Variants in NAA11 observed in about 807,000 individuals in gnomAD.
The protein encoded by NAA11 is N-alpha-acetyltransferase 11.
In NAA11, 15 loss-of-function variants were observed where a neutral mutation model predicts 16.1. The observed-to-expected ratio is 0.93, with a 90% CI of 0.62 to 1.44. The LOEUF is 1.44. Ranked by LOEUF, NAA11 falls within the 40% of genes most tolerant of loss-of-function variation. The probability of loss-of-function intolerance (pLI) is 0.00; values close to 1 mark genes in which losing one functional copy is unlikely to be tolerated. For missense variants in NAA11, 298 were observed against 291.3 expected, an observed-to-expected ratio of 1.02 and a Z score of -0.17; for synonymous variants, 122 against 112.4, an observed-to-expected ratio of 1.09 and a Z score of -0.54.
At chr4:79,168,837 T>A in the NAA11 span, among the ~76,000 whole-genome samples, 4 of 152,186 alleles carry the variant, frequency 2.6e-5, no homozygotes, top group Non-Finnish European at 5.9e-5. Context: ...TTCACTCTGA[T>A]GATAGTTTCT....
intron 2 of NAA11, among the ~76,000 whole-genome samples, chr4:79,270,037 G>T (rs1722455932): frequency 6.6e-6 from 1 of 151,030 alleles, no homozygotes. Context: ...TATTTCTGAG[G>T]GCTCTGTTCT....
intron 2 of NAA11, among the ~76,000 whole-genome samples, chr4:79,259,329 T>G (rs1301323032): frequency 6.6e-6 from 1 of 152,162 alleles, no homozygotes; most frequent in African/African-American, 2.4e-5. Flanking sequence ...CGTCACCACA[T>G]TCCCTGGTGG....
intron 2 of NAA11, among the ~76,000 whole-genome samples, chr4:79,264,773 T>A (rs570078257): frequency 6.6e-6 from 1 of 152,332 alleles, no homozygotes; most frequent in South Asian, 2.1e-4. Context: ...TTTCTCTAAA[T>A]GCATCGGGTC....
chr4:79,170,010 C>T, the NAA11 span, among the ~76,000 whole-genome samples: 23 of 152,300 alleles, frequency 1.5e-4, no homozygotes, highest in African/African-American at 5.5e-4. Flanking sequence ...TGGATTATAG[C>T]CACGCCCACA....
Position 79,268,064 on chromosome 4 carries a change from G to A in NAA11, c.*122+25941C>T, listed in dbSNP as rs528623792. Among the ~76,000 whole-genome samples, 4 of 152,072 alleles carry A rather than the reference G, an allele frequency of 2.6e-5. No individual in the cohort carries two copies. The East Asian group carries it at 7.7e-4, about 29-fold the overall frequency. On this transcript the variant is annotated intron_variant and NMD_transcript_variant, in intron 2 of 2. Coordinates refer to the NAA11 transcript ENST00000511542. ...TTTATTAAGAATATACTTATCTTCTGGTATTTTAATATGGACAATGGAAAA... is the reference window on the plus strand; with the variant it reads ...TTTATTAAGAATATACTTATCTTCTAGTATTTTAATATGGACAATGGAAAA...
chr4:79,301,693 A>G (rs1723389123), intron 1 of NAA11, among the ~76,000 whole-genome samples: 1 of 152,218 alleles, frequency 6.6e-6, no homozygotes, highest in Non-Finnish European at 1.5e-5. Context: ...GAGCTCCAGC[A>G]TGGGGACCAG....
chr4:79,192,950 G>T, the NAA11 span, among the ~76,000 whole-genome samples: 17 of 152,136 alleles, frequency 1.1e-4, no homozygotes, highest in African/African-American at 3.4e-4. Flanking sequence ...TCTCATTGTG[G>T]TTTTGATTTG....
At chr4:79,246,377 T>TAAAAAAAAA (rs869224539) in intron 2 of NAA11, among the ~76,000 whole-genome samples, 41 of 22,382 alleles carry the variant, frequency 1.8e-3, no homozygotes, top group African/African-American at 4.4e-3. Context: ...CAATAAATAC[T>TAAAAAAAAA]AAAAAAAAAA....
At chr4:79,216,513 A>G in the NAA11 span, among the ~76,000 whole-genome samples, 22 of 152,240 alleles carry the variant, frequency 1.4e-4, no homozygotes, top group African/African-American at 5.1e-4. Context: ...AAATTCATCA[A>G]ATGACTGAAA....
At chr4:79,249,430 C>A (rs1357216784) in intron 2 of NAA11, among the ~76,000 whole-genome samples, 1 of 152,208 alleles carries the variant, frequency 6.6e-6, no homozygotes. Context: ...CCAAACTCAT[C>A]TGATAGATTT....
downstream of NAA11, among the ~76,000 whole-genome samples, chr4:79,313,071 T>G (rs1723826098): frequency 6.6e-6 from 1 of 152,214 alleles, no homozygotes; most frequent in African/African-American, 2.4e-5. Context: ...ATGCATATAT[T>G]TGTCATTGCT....
chr4:79,239,129 T>C (rs1027276332), intron 2 of NAA11, among the ~76,000 whole-genome samples: 1 of 152,206 alleles, frequency 6.6e-6, no homozygotes, highest in East Asian at 1.9e-4. Context: ...ATTGAGCGAG[T>C]TGGCAAGGCT....
At chr4:79,200,895 A>G in the NAA11 span, among the ~76,000 whole-genome samples, 3 of 151,662 alleles carry the variant, frequency 2.0e-5, no homozygotes, top group African/African-American at 7.3e-5. Context: ...AGAGAAGTCA[A>G]ATAAAAGTCC....
At chr4:79,242,062 A>C (rs1161305675) in intron 2 of NAA11, among the ~76,000 whole-genome samples, 4 of 152,122 alleles carry the variant, frequency 2.6e-5, no homozygotes, top group African/African-American at 7.2e-5. Flanking sequence ...CTTGCTCCTC[A>C]TGCTTGTTTG....
downstream of NAA11, among the ~76,000 whole-genome samples, chr4:79,312,684 T>C (rs1335694204): frequency 6.8e-6 from 1 of 147,596 alleles, no homozygotes; most frequent in African/African-American, 2.5e-5. Context: ...AGTTGGGGTC[T>C]TGCTTAGGCT....
intron 2 of NAA11, among the ~76,000 whole-genome samples, chr4:79,291,908 T>A (rs1723096274): frequency 6.6e-6 from 1 of 152,192 alleles, no homozygotes. Context: ...TGTGGGTAGA[T>A]AAGCATAAAT....
At chr4:79,322,462 G>A (rs1425640974) in intron 1 of NAA11, among the ~76,000 whole-genome samples, 1 of 150,822 alleles carries the variant, frequency 6.6e-6, no homozygotes, top group Non-Finnish European at 1.5e-5. Context: ...GATATTAAGT[G>A]CTTTTGAATT....
chr4:79,289,046 A>G (rs751572764), intron 2 of NAA11, among the ~76,000 whole-genome samples: 1 of 152,254 alleles, frequency 6.6e-6, no homozygotes, highest in Non-Finnish European at 1.5e-5. Flanking sequence ...CAAGGGACAT[A>G]CAAATGGTTT....
intron 1 of NAA11, among the ~76,000 whole-genome samples, chr4:79,323,648 G>T (rs1256503485): frequency 6.6e-6 from 1 of 152,028 alleles, no homozygotes; most frequent in East Asian, 1.9e-4. Flanking sequence ...GTGAAACCCC[G>T]TCTCTACTAA....
Sources: gnomAD v4.1 joint callset for allele counts (sites outside exome capture counted in the v4.1 genomes callset) on GRCh38, gnomAD v4.1.1 for gene constraint, MANE v1.5 for transcripts, NCBI Gene and HGNC (gene_info 2026-07-23, HGNC 2026-07-21) for gene names.